The following SUGCT variants were observed in gnomAD, a reference collection of about 807,000 sequenced individuals.
The protein encoded by SUGCT is succinyl-CoA:glutarate CoA-transferase.
SUGCT carries 41 observed loss-of-function variants against 55.0 expected under a neutral mutation model. The observed-to-expected ratio is 0.74, with a 90% confidence interval of 0.58 to 0.97. SUGCT has a LOEUF of 0.97. Ranked by LOEUF, SUGCT falls within the 50% of genes least tolerant of loss-of-function variation. The probability of loss-of-function intolerance (pLI) is 0.00; values close to 1 mark genes in which losing one functional copy is unlikely to be tolerated. For missense variants in SUGCT, 568 were observed against 547.8 expected (o/e 1.04, Z -0.37); for synonymous variants, 187 against 200.4 (o/e 0.93, Z 0.56).
At chr7:40,486,768 C>T (rs1259097359) in intron 11 of SUGCT, among the ~76,000 whole-genome samples, 1 of 147,710 alleles carries the variant, frequency 6.8e-6, no homozygotes, top group African/African-American at 2.5e-5. Flanking sequence ...CACTGTTGTC[C>T]AGGCTAGAAT....
chr7:40,999,219 T>C, the SUGCT span, among the ~76,000 whole-genome samples: 3 of 142,156 alleles, frequency 2.1e-5, no homozygotes, highest in African/African-American at 8.4e-5. Flanking sequence ...TATGCACAGC[T>C]TTTTTTTTTT....
intron 13 of SUGCT, among the ~76,000 whole-genome samples, chr7:40,818,246 G>A (rs896172732): frequency 6.6e-6 from 1 of 152,170 alleles, no homozygotes; most frequent in Non-Finnish European, 1.5e-5. Flanking sequence ...TTACTCTATG[G>A]AGGTCTACAC....
chr7:40,377,128 C>A (rs985180732), intron 9 of SUGCT, among the ~76,000 whole-genome samples: 1 of 6,318 alleles, frequency 1.6e-4, no homozygotes, highest in Non-Finnish European at 6.6e-4. Flanking sequence ...TTCAGCCTTC[C>A]TCTTTCTTTC....
intron 12 of SUGCT, among the ~76,000 whole-genome samples, chr7:40,644,381 T>G (rs984154009): frequency 1.3e-5 from 2 of 152,216 alleles, no homozygotes; most frequent in Non-Finnish European, 2.9e-5. Flanking sequence ...CCTCAATCAC[T>G]GCTTTCTGGA....
At position 40,504,600 on chromosome 7, in the gene SUGCT, A is replaced by T. The variant is rs567744683; in HGVS notation, c.1089+8214A>T. On this transcript the variant is annotated intron_variant, in intron 12 of 13. Transcript: ENST00000335693. ...GAAGGGCGTGCCACCACACCCGCTA[A>T]TTTTTGTGTTTTTAGCAGAGACAGG... 3.3e-5 allele frequency among the ~76,000 whole-genome samples: 5 copies of T among 151,700 alleles called. No homozygotes were observed. The South Asian group carries it at 1.0e-3, about 32-fold the overall frequency.
chr7:40,565,967 T>TCACACA (rs377518526), intron 12 of SUGCT, among the ~76,000 whole-genome samples: 4 of 134,754 alleles, frequency 3.0e-5, no homozygotes, highest in East Asian at 2.2e-4. Context: ...ACCTGGCATA[T>TCACACA]CACACACACA....
At chr7:40,750,428 C>T (rs1176239456) in intron 13 of SUGCT, among the ~76,000 whole-genome samples, 1 of 151,894 alleles carries the variant, frequency 6.6e-6, no homozygotes, top group Admixed American at 6.6e-5. Context: ...TTGTTTTTTC[C>T]TAAAACCGTT....
chr7:40,246,443 T>C (rs1418455079), intron 7 of SUGCT, among the ~76,000 whole-genome samples: 1 of 151,894 alleles, frequency 6.6e-6, no homozygotes, highest in Non-Finnish European at 1.5e-5. Context: ...AGAGACTGGG[T>C]TTCACCATGT....
intron 1 of SUGCT, among the ~76,000 whole-genome samples, chr7:40,159,842 A>G (rs1784063521): frequency 6.6e-6 from 1 of 152,172 alleles, no homozygotes; most frequent in Non-Finnish European, 1.5e-5. Flanking sequence ...GGAGTCTGGA[A>G]TTGTGCTACA....
chr7:40,777,697 A>C (rs1001836523), intron 13 of SUGCT, among the ~76,000 whole-genome samples: 2 of 152,080 alleles, frequency 1.3e-5, no homozygotes, highest in Non-Finnish European at 1.5e-5. Context: ...CTACCCCAGA[A>C]GATCTTTAAT....
At chr7:40,856,974 T>A (rs1794204273) in intron 13 of SUGCT, among the ~76,000 whole-genome samples, 1 of 152,196 alleles carries the variant, frequency 6.6e-6, no homozygotes, top group African/African-American at 2.4e-5. Context: ...GATATCTATA[T>A]AATATTACTC....
chr7:40,310,842 C>T (rs1436478795), intron 8 of SUGCT, among the ~76,000 whole-genome samples: 38 of 152,012 alleles, frequency 2.5e-4, no homozygotes, highest in Non-Finnish European at 4.3e-4. Flanking sequence ...TTTGATCATC[C>T]CTTTGGTGAT....
At chr7:40,657,509 A>ATT (rs35835363) in intron 12 of SUGCT, among the ~76,000 whole-genome samples, 36 of 151,442 alleles carry the variant, frequency 2.4e-4, no homozygotes, top group Non-Finnish European at 4.3e-4. Flanking sequence ...CGTGAGGTAG[A>ATT]TTTTTTTTTG....
the SUGCT span, among the ~76,000 whole-genome samples, chr7:40,981,241 G>C: frequency 6.6e-6 from 1 of 152,110 alleles, no homozygotes; most frequent in Non-Finnish European, 1.5e-5. Flanking sequence ...TGGCTCTGGG[G>C]TCCTTTTTTC....
At chr7:40,305,695 T>C (rs1457210112) in intron 8 of SUGCT, among the ~76,000 whole-genome samples, 1 of 152,202 alleles carries the variant, frequency 6.6e-6, no homozygotes. Context: ...AGGGTCTTGC[T>C]CTGTGTCCTA....
At chr7:40,914,170 G>A in the SUGCT span, among the ~76,000 whole-genome samples, 1 of 151,508 alleles carries the variant, frequency 6.6e-6, no homozygotes, top group Non-Finnish European at 1.5e-5. Context: ...CTAATGTCTG[G>A]AAAGGGTTCC....
chr7:40,640,472 G>A (rs985004801), intron 12 of SUGCT, among the ~76,000 whole-genome samples: 5 of 152,308 alleles, frequency 3.3e-5, no homozygotes, highest in South Asian at 2.1e-4. Context: ...CTTGGCTGCT[G>A]TATTGGTAGA....
intron 13 of SUGCT, among the ~76,000 whole-genome samples, chr7:40,760,200 G>A (rs551566935): frequency 2.6e-5 from 4 of 152,232 alleles, no homozygotes; most frequent in Admixed American, 2.6e-4. Context: ...CCTGGGGCTG[G>A]TTTTATTTCA....
intron 13 of SUGCT, among the ~76,000 whole-genome samples, chr7:40,779,189 TG>T (rs1259492235): frequency 1.3e-5 from 2 of 152,162 alleles, no homozygotes; most frequent in Non-Finnish European, 2.9e-5. Flanking sequence ...CTCCCCTCAA[TG>T]ACCTCTAAGG....
Sources: gnomAD v4.1 joint callset for allele counts (sites outside exome capture counted in the v4.1 genomes callset) on GRCh38, gnomAD v4.1.1 for gene constraint, MANE v1.5 for transcripts, NCBI Gene and HGNC (gene_info 2026-07-23, HGNC 2026-07-21) for gene names.